THUMPD3: variants seen among roughly 807,000 people sequenced by gnomAD.
THUMPD3 encodes tRNA (guanine(6)-N(2))-methyltransferase THUMP3.
A neutral mutation model predicts 54.5 loss-of-function variants in THUMPD3; 44 were observed. The observed-to-expected ratio is 0.81, with a 90% CI of 0.63 to 1.04. The LOEUF is 1.04. Ranked by LOEUF, THUMPD3 falls within the 50% of genes least tolerant of loss-of-function variation. The pLI, the probability that THUMPD3 is intolerant of heterozygous loss-of-function variation, is 0.00. For synonymous variants in THUMPD3, 196 were observed against 201.4 expected, an observed-to-expected ratio of 0.97 and a Z score of 0.23; for missense variants, 604 against 601.3, an observed-to-expected ratio of 1.00 and a Z score of -0.05.
chr3:9,377,813 C>G lies in THUMPD3; in HGVS notation c.939-6C>G, dbSNP rs760303979. The stretch of plus-strand genomic sequence containing the variant: ...GTCTTCACATAGGCTGTTTTCTTTT[C>G]TCTAGGCTCTGTGATCCTCTACCTT... On this transcript the variant is annotated splice_region_variant and splice_polypyrimidine_tract_variant and intron_variant, in intron 5 of 9. Transcript: ENST00000452837. 1.7e-5 allele frequency: 28 copies of G among 1,613,042 alleles called. No homozygotes were observed. The highest frequency in any genetic ancestry group is 2.3e-5 in the Non-Finnish European group (27 of 1,179,174).
chr3:9,382,533 CTGT>C (rs1163043139), intron 7 of THUMPD3, among the ~76,000 whole-genome samples: 2 of 152,100 alleles, frequency 1.3e-5, no homozygotes, highest in South Asian at 2.1e-4. Flanking sequence ...TTTAGGCCTC[CTGT>C]TATTACTAGT....
intron 9 of THUMPD3, 42 bp from the exon 10 acceptor site, chr3:9,384,482 T>C: frequency 6.2e-7 from 1 of 1,612,080 alleles, no homozygotes; most frequent in South Asian, 1.1e-5. Context: ...GATGTAAAAG[T>C]AGATTGTCAA....
At chr3:9,380,061 A>G (rs764032960) in intron 6 of THUMPD3, among the ~76,000 whole-genome samples, 1 of 152,176 alleles carries the variant, frequency 6.6e-6, no homozygotes, top group Non-Finnish European at 1.5e-5. Flanking sequence ...CAAATCTCAA[A>G]TATTTTCAAA....
At chr3:9,376,622 C>G (rs189416630) in intron 5 of THUMPD3, among the ~76,000 whole-genome samples, 1 of 152,176 alleles carries the variant, frequency 6.6e-6, no homozygotes, top group Non-Finnish European at 1.5e-5. Context: ...TAAGAACCCA[C>G]TATTAACCCC....
chr3:9,366,778 T>A, intron 2 of THUMPD3, 130 bp from the exon 3 acceptor site: 5 of 685,824 alleles, frequency 7.3e-6, no homozygotes, highest in Non-Finnish European at 1.1e-5. Context: ...GATGGGACAT[T>A]TTAAAAATAC....
intron 1 of THUMPD3, chr3:9,364,169 G>A (rs1216173495): frequency 6.6e-6 from 1 of 151,824 alleles, no homozygotes; most frequent in Non-Finnish European, 1.5e-5. Context: ...ACTCTCACTT[G>A]TCTCCTAACG....
rs773119521 is a variant in THUMPD3 at position 9,380,582 on chromosome 3, T to C, written c.1088T>C (p.Ile363Thr). The C allele has an allele frequency of 8.7e-6, 14 of 1,613,588 alleles. No homozygotes were observed. Among genetic ancestry groups the C allele is most frequent in the South Asian group, 1.1e-5 (1 of 91,030 alleles). ...PLAVNRAANNIASLLTKSQIK... is the reference protein window; with the variant it reads ...PLAVNRAANNTASLLTKSQIK... ...GCTGTGAATAGAGCAGCAAATAACA[T>C]TGCATCTTTATTGACCAAGAGCCAA... The change falls in exon 7 of 10, where the codon ATT (isoleucine) becomes ACT (threonine). Residue 363 changes from isoleucine to threonine, a missense_variant. By Grantham distance (89) the Ile-to-Thr change is moderately conservative (BLOSUM62 -1). Transcript: ENST00000452837.
intron 1 of THUMPD3, among the ~76,000 whole-genome samples, chr3:9,364,357 AT>A (rs923638276): frequency 6.6e-6 from 1 of 151,044 alleles, no homozygotes; most frequent in African/African-American, 2.4e-5. Flanking sequence ...TTATTTATTT[AT>A]TTTTTTGAGA....
At chr3:9,380,205 G>A (rs1014479853) in intron 6 of THUMPD3, among the ~76,000 whole-genome samples, 8 of 152,128 alleles carry the variant, frequency 5.3e-5, no homozygotes, top group African/African-American at 1.9e-4. Context: ...CGTGGGACAA[G>A]TGCAGTGGCA....
At chr3:9,381,960 T>C (rs1031930943) in intron 7 of THUMPD3, among the ~76,000 whole-genome samples, 1 of 151,266 alleles carries the variant, frequency 6.6e-6, no homozygotes, top group Non-Finnish European at 1.5e-5. Context: ...TTTTTTTGTA[T>C]TTTTAGTAGA....
chr3:9,384,756 A>G lies in THUMPD3; in HGVS notation c.*68A>G, dbSNP rs551032386. On this transcript the variant is annotated 3_prime_UTR_variant, in exon 10 of 10. Coordinates refer to ENST00000452837, the MANE Select transcript of THUMPD3 (RefSeq NM_001114092.2). ...AGCATAAAAGAACTTGGAGAGGAAA[A>G]AAGTATTAACAAAACTGCAGTCTGC... 1.3e-5 allele frequency: 20 copies of G among 1,584,988 alleles called. No individual in the cohort carries two copies. Among genetic ancestry groups the G allele is most frequent in the Admixed American group, 5.1e-5 (3 of 58,512 alleles).
Position 9,365,256 on chromosome 3 carries a change from C to T in THUMPD3, c.188C>T (p.Ser63Leu). ...ADEVREKLGS[S>L]CKISRDRGKI... ...GAAGTCAGAGAGAAACTTGGGTCAT[C>T]ATGCAAAATCAGCAGAGACCGTGGC... The change falls in exon 2 of 10, where the codon TCA becomes TTA. Residue 63 changes from serine to leucine, a missense_variant. Ser to Leu is a moderately radical substitution (Grantham distance 145). Coordinates refer to ENST00000452837, the MANE Select transcript of THUMPD3 (RefSeq NM_001114092.2). 6.2e-7 allele frequency: 1 copy of T among 1,614,156 alleles called. No individual in the cohort carries two copies. Among genetic ancestry groups the T allele is most frequent in the South Asian group, 1.1e-5 (1 of 91,082 alleles).
intron 3 of THUMPD3, among the ~76,000 whole-genome samples, chr3:9,370,501 T>C (rs1299480493): frequency 2.6e-5 from 4 of 152,220 alleles, no homozygotes; most frequent in African/African-American, 4.8e-5. Flanking sequence ...CTGGAGTGCA[T>C]TGGCGTGATC....
At chr3:9,368,261 T>A (rs182361683) in intron 3 of THUMPD3, among the ~76,000 whole-genome samples, 132 of 152,058 alleles carry the variant, frequency 8.7e-4, no homozygotes, top group African/African-American at 3.0e-3. Flanking sequence ...CTCAAACTTC[T>A]GGGCTCAAGT....
At chr3:9,375,286 A>C (rs369719465) in intron 5 of THUMPD3, among the ~76,000 whole-genome samples, 12 of 152,328 alleles carry the variant, frequency 7.9e-5, no homozygotes, top group Admixed American at 2.0e-4. Context: ...TGTGCAGTGA[A>C]AAAGATGAAA....
chr3:9,369,335 A>G (rs2031842208), intron 3 of THUMPD3, among the ~76,000 whole-genome samples: 1 of 146,270 alleles, frequency 6.8e-6, no homozygotes, highest in Non-Finnish European at 1.5e-5. Flanking sequence ...AAAAAAAAAG[A>G]AAGAAATACT....
intron 1 of THUMPD3, 102 bp from the exon 2 acceptor site, chr3:9,364,914 G>A: frequency 1.1e-6 from 1 of 913,298 alleles, no homozygotes. Flanking sequence ...CTGTTTATCA[G>A]ATGTGTTGCC....
Position 9,371,407 on chromosome 3 carries a change from G to A in THUMPD3, c.678G>A (p.Lys226=). 1 of 1,614,192 alleles carries A rather than the reference G, an allele frequency of 6.2e-7. No individual in the cohort carries two copies. The highest frequency in any genetic ancestry group is 8.5e-7 in the Non-Finnish European group (1 of 1,180,030). ...SKEETEPQVL[K]FRVTCNRAGE... is the part of the protein sequence containing the mutation. ...AAGAAACTGAGCCTCAAGTGCTGAA[G>A]TTTAGAGTCACATGCAACAGGGCAG... Residue 226 remains lysine (K), a synonymous_variant, in exon 4 of 10, where the codon AAG becomes AAA. Coordinates refer to ENST00000452837, the MANE Select transcript of THUMPD3 (RefSeq NM_001114092.2).
intron 2 of THUMPD3, among the ~76,000 whole-genome samples, chr3:9,366,406 G>A (rs2031570804): frequency 6.6e-6 from 1 of 152,144 alleles, no homozygotes; most frequent in South Asian, 2.1e-4. Flanking sequence ...GAATTGGTAA[G>A]CAAATGTTTT....
Sources: allele counts gnomAD v4.1 joint callset (sites outside exome capture counted in the v4.1 genomes callset), GRCh38; gene constraint gnomAD v4.1.1; transcripts MANE v1.5; gene names NCBI Gene and HGNC (gene_info 2026-07-23, HGNC 2026-07-21).